IFNAR1: variants seen among roughly 807,000 people sequenced by gnomAD.
IFNAR1 encodes the protein interferon alpha/beta receptor 1.
Under a neutral mutation model 62.1 loss-of-function variants are expected in IFNAR1, and 47 were observed. The ratio of observed to expected loss-of-function variants is 0.76; its 90% CI spans 0.60 to 0.97. The LOEUF is 0.97. IFNAR1 is among the 50% of genes least tolerant of loss of function. The probability of loss-of-function intolerance (pLI) is 0.00; values close to 1 mark genes in which losing one functional copy is unlikely to be tolerated. For missense variants in IFNAR1, 638 were observed against 654.5 expected (o/e 0.97, Z 0.27); for synonymous variants, 219 against 226.9 (o/e 0.97, Z 0.31).
intron 8 of IFNAR1, among the ~76,000 whole-genome samples, chr21:33,352,306 G>C (rs2083405526): frequency 6.6e-6 from 1 of 152,032 alleles, no homozygotes; most frequent in Non-Finnish European, 1.5e-5. Context: ...TTATAGTGGT[G>C]TATCTAAAAC....
intron 1 of IFNAR1, chr21:33,335,199 C>T: frequency 2.0e-6 from 1 of 503,458 alleles, no homozygotes; most frequent in Non-Finnish European, 3.6e-6. Flanking sequence ...AGTTGAACCT[C>T]ATCATAAGAG....
At chr21:33,331,576 A>G (rs2083181582) in intron 1 of IFNAR1, among the ~76,000 whole-genome samples, 1 of 152,140 alleles carries the variant, frequency 6.6e-6, no homozygotes, top group Non-Finnish European at 1.5e-5. Context: ...GAGTGGAGTC[A>G]TCACTGTGCT....
chr21:33,330,053 T>C (rs2083160947), intron 1 of IFNAR1, among the ~76,000 whole-genome samples: 1 of 152,154 alleles, frequency 6.6e-6, no homozygotes, highest in Non-Finnish European at 1.5e-5. Context: ...TTAATTTTGG[T>C]CTATTTGAGC....
chr21:33,332,315 A>G (rs1275581514), intron 1 of IFNAR1, among the ~76,000 whole-genome samples: 2 of 152,208 alleles, frequency 1.3e-5, no homozygotes, highest in Admixed American at 1.3e-4. Flanking sequence ...CTGCTTTACC[A>G]TACCACTGCA....
At position 33,335,511 on chromosome 21, in the gene IFNAR1, G is replaced by A. The variant is rs1388551247; in HGVS notation, c.77-13G>A. On this transcript the variant is annotated splice_polypyrimidine_tract_variant and intron_variant, in intron 1 of 10. Transcript: ENST00000270139. ...TTTGTATATAATGTTCTTATTTCTT[G>A]TTGCTTTTATAGGTGGAAAAAATCT... The A allele has an allele frequency of 2.0e-6, 3 of 1,519,982 alleles. No homozygotes were observed. Among genetic ancestry groups the A allele is most frequent in the South Asian group, 1.2e-5 (1 of 85,500 alleles). The allele number at this position is 1,519,982 out of a possible 1,614,324, so 94.2% of individuals were successfully genotyped here. A position where few individuals can be genotyped will look rare whatever the true frequency, so the allele number is the denominator to read the frequency against.
rs1385988227 is a variant in IFNAR1 at position 33,343,260 on chromosome 21, T to C, written c.377-8T>C. 1.2e-6 allele frequency: 2 copies of C among 1,606,426 alleles called. No individual in the cohort carries two copies. The highest frequency in any genetic ancestry group is 2.2e-5 in the South Asian group (2 of 89,408). ...AGTTCCATAGTAATTGTTTTGATTT[T>C]TTTGCAGCTCAGATTGGTCCTCCAG... On this transcript the variant is annotated splice_region_variant and splice_polypyrimidine_tract_variant and intron_variant, in intron 3 of 10. Transcript: ENST00000270139.
chr21:33,326,809 TAATAAA>T (rs2083130991), intron 1 of IFNAR1, among the ~76,000 whole-genome samples: 1 of 151,600 alleles, frequency 6.6e-6, no homozygotes. Context: ...TTTACAAAAA[TAATAAA>T]AGAAAAATAC....
In IFNAR1 at chr21:33,345,365, G is replaced by C; in HGVS notation, c.788+5G>C. On this transcript the variant is annotated splice_donor_5th_base_variant and intron_variant, in intron 6 of 10. Transcript: ENST00000270139. Reference sequence around the variant, plus strand: ...CTTTCAAGTTCAGTGGCTCCAGTAAGTTCCATTCCATAAATTTCCTTTTGC... The same window carrying C: ...CTTTCAAGTTCAGTGGCTCCAGTAACTTCCATTCCATAAATTTCCTTTTGC... 6.9e-7 allele frequency: 1 copy of C among 1,445,584 alleles called. No individual in the cohort carries two copies. 89.5% of individuals were successfully genotyped at this position (1,445,584 alleles called of 1,614,324 possible).
chr21:33,335,455 G>A (rs940166830), intron 1 of IFNAR1, 69 bp from the exon 2 acceptor site: 3 of 854,318 alleles, frequency 3.5e-6, no homozygotes, highest in Non-Finnish European at 3.6e-6. Flanking sequence ...GGGATGTGAG[G>A]GATAGAATAA....
Position 33,336,867 on chromosome 21 carries a change from T to C in IFNAR1, c.200+1220T>C, listed in dbSNP as rs1311313640. 3.3e-5 allele frequency among the ~76,000 whole-genome samples: 5 copies of C among 151,478 alleles called. No homozygotes were observed. The East Asian group carries it at 9.8e-4, about 30-fold the overall frequency. On this transcript the variant is annotated intron_variant, in intron 2 of 10. Transcript: ENST00000270139. Reference sequence around the variant, plus strand: ...CCGGTTTCAAGCGATTCTCCTGCCTTAGCCTCTCGAGTAGCTGGGATTGCA... The same window carrying C: ...CCGGTTTCAAGCGATTCTCCTGCCTCAGCCTCTCGAGTAGCTGGGATTGCA...
chr21:33,327,098 T>C (rs900921118), intron 1 of IFNAR1, among the ~76,000 whole-genome samples: 2 of 152,162 alleles, frequency 1.3e-5, no homozygotes, highest in African/African-American at 4.8e-5. Flanking sequence ...TTTCCACAAA[T>C]ATGTAGTATA....
At chr21:33,344,125 G>A (rs138140886) in intron 5 of IFNAR1, among the ~76,000 whole-genome samples, 52 of 152,096 alleles carry the variant, frequency 3.4e-4, no homozygotes, top group African/African-American at 1.2e-3. Context: ...CACTCCAGTC[G>A]GGAGCAAGGG....
intron 1 of IFNAR1, among the ~76,000 whole-genome samples, chr21:33,332,025 A>G (rs2083186432): frequency 6.6e-6 from 1 of 152,102 alleles, no homozygotes; most frequent in African/African-American, 2.4e-5. Flanking sequence ...TAGGTTTGTG[A>G]GATCCTGAGC....
chr21:33,342,215 C>T (rs544727825), intron 3 of IFNAR1, among the ~76,000 whole-genome samples: 1 of 151,936 alleles, frequency 6.6e-6, no homozygotes, highest in South Asian at 2.1e-4. Flanking sequence ...TCAAGACCAA[C>T]CTAGGCAACA....
Position 33,359,504 on chromosome 21 carries a change from T to C in IFNAR1, c.*3955T>C, listed in dbSNP as rs1181034655. The C allele has an allele frequency of 6.6e-6, 1 of 152,256 alleles. No homozygotes were observed. The highest frequency in any genetic ancestry group is 1.5e-5 in the Non-Finnish European group (1 of 68,060). The allele number at this position is 152,256 out of a possible 1,614,324, so 9.4% of individuals were successfully genotyped here. A position where few individuals can be genotyped will look rare whatever the true frequency, so the allele number is the denominator to read the frequency against. ...GATAGAGCCTGTTTGCTGCTTTTTC[T>C]TCCCGCTCTTAAGACATGGCTGGAG... On this transcript the variant is annotated 3_prime_UTR_variant, in exon 11 of 11. Transcript: ENST00000270139.
rs2081350783 is a variant in IFNAR1, at chr21:33,358,703, A to G, written c.*3154A>G. On this transcript the variant is annotated 3_prime_UTR_variant, in exon 11 of 11. Coordinates refer to ENST00000270139, the MANE Select transcript of IFNAR1 (RefSeq NM_000629.3). ...GCAACTTATAAAAAAGTTACTTTTA[A>G]AAATATAAGTTAGGGCTAGGCACAG... The G allele has an allele frequency of 6.6e-6, 1 of 152,086 alleles. No individual in the cohort carries two copies. The highest frequency in any genetic ancestry group is 6.6e-5 in the Admixed American group (1 of 15,258). 9.4% of individuals were successfully genotyped at this position (152,086 alleles called of 1,614,324 possible).
chr21:33,344,932 CGT>C (rs2083331447), intron 5 of IFNAR1, among the ~76,000 whole-genome samples: 1 of 151,968 alleles, frequency 6.6e-6, no homozygotes. Flanking sequence ...GGATTACAGG[CGT>C]GTGCCATCAT....
intron 3 of IFNAR1, among the ~76,000 whole-genome samples, chr21:33,341,405 A>T (rs2083291393): frequency 6.6e-6 from 1 of 152,216 alleles, no homozygotes; most frequent in Non-Finnish European, 1.5e-5. Flanking sequence ...GTAAAGACAA[A>T]GCTATATTTA....
At chr21:33,351,752 G>A (rs1156909202) in intron 8 of IFNAR1, among the ~76,000 whole-genome samples, 5 of 151,972 alleles carry the variant, frequency 3.3e-5, no homozygotes, top group Admixed American at 6.6e-5. Flanking sequence ...GTTTCACCAC[G>A]TTGCCCAGGC....
Sources: allele counts gnomAD v4.1 joint callset (sites outside exome capture counted in the v4.1 genomes callset), GRCh38; gene constraint gnomAD v4.1.1; transcripts MANE v1.5; gene names NCBI Gene and HGNC (gene_info 2026-07-23, HGNC 2026-07-21).